Variants in THSD7B observed in about 807,000 individuals in gnomAD.
The protein encoded by THSD7B is thrombospondin type-1 domain-containing protein 7B.
In THSD7B, 138 loss-of-function variants were observed where a neutral mutation model predicts 213.6. That is an observed-to-expected ratio of 0.65 (90% confidence interval 0.56 to 0.74). THSD7B has a LOEUF of 0.74. Ranked by LOEUF, THSD7B falls within the 30% of genes least tolerant of loss-of-function variation. The pLI is 0.00. For missense variants in THSD7B, 1,931 were observed against 1,991.5 expected, an observed-to-expected ratio of 0.97 and a Z score of 0.58; for synonymous variants, 742 against 687.0, an observed-to-expected ratio of 1.08 and a Z score of -1.25.
chr2:137,576,796 C>G (rs1434214307), intron 17 of THSD7B, among the ~76,000 whole-genome samples: 1 of 96,622 alleles, frequency 1.0e-5, no homozygotes, highest in African/African-American at 7.0e-5. Context: ...AAGAAAAACA[C>G]CCCCCCCCCT....
At chr2:137,411,082 A>G (rs185884233) in intron 13 of THSD7B, among the ~76,000 whole-genome samples, 20 of 152,398 alleles carry the variant, frequency 1.3e-4, no homozygotes, top group Admixed American at 9.1e-4. Flanking sequence ...TGATTAAATT[A>G]TCCAGTATGA....
chr2:136,870,056 A>G (rs1474694445), intron 1 of THSD7B, among the ~76,000 whole-genome samples: 1 of 134,510 alleles, frequency 7.4e-6, no homozygotes, highest in East Asian at 2.2e-4. Flanking sequence ...TGGGCGAAAG[A>G]GCGAGACTCC....
At chr2:137,602,638 G>A (rs548893359) in intron 17 of THSD7B, among the ~76,000 whole-genome samples, 93 of 152,120 alleles carry the variant, frequency 6.1e-4, no homozygotes, top group Non-Finnish European at 7.4e-4. Flanking sequence ...GGTCTTCTAC[G>A]TGCATCATCC....
intron 2 of THSD7B, among the ~76,000 whole-genome samples, chr2:136,989,674 C>T (rs1218298274): frequency 6.6e-6 from 1 of 152,196 alleles, no homozygotes; most frequent in East Asian, 1.9e-4. Context: ...GTTGGTGGGG[C>T]TGTACTTCAG....
chr2:137,650,100 T>C (rs1160819950), intron 21 of THSD7B, among the ~76,000 whole-genome samples: 1 of 152,186 alleles, frequency 6.6e-6, no homozygotes, highest in East Asian at 1.9e-4. Context: ...CATTTTACGA[T>C]GTTTTTCTAT....
At chr2:136,984,271 C>G (rs1685634378) in intron 2 of THSD7B, among the ~76,000 whole-genome samples, 1 of 152,190 alleles carries the variant, frequency 6.6e-6, no homozygotes, top group Admixed American at 6.5e-5. Flanking sequence ...CTCTCCAAAT[C>G]TCATGTTGAA....
chr2:137,343,912 G>A (rs1316552001), intron 12 of THSD7B, among the ~76,000 whole-genome samples: 1 of 151,742 alleles, frequency 6.6e-6, no homozygotes, highest in East Asian at 1.9e-4. Context: ...AGCATTAGAG[G>A]TGTGAAGGAA....
chr2:137,189,915 T>C (rs1680624251), intron 7 of THSD7B, among the ~76,000 whole-genome samples: 1 of 152,124 alleles, frequency 6.6e-6, no homozygotes, highest in Admixed American at 6.5e-5. Flanking sequence ...TAAATTGCCT[T>C]CCATTCCTAG....
intron 12 of THSD7B, among the ~76,000 whole-genome samples, chr2:137,382,475 G>T (rs1362644200): frequency 2.0e-5 from 3 of 152,216 alleles, no homozygotes; most frequent in Non-Finnish European, 4.4e-5. Context: ...ACTTGAGAAC[G>T]CCAGTAGGTT....
chr2:137,141,265 AGT>A (rs1033804747), intron 5 of THSD7B, among the ~76,000 whole-genome samples: 2 of 152,140 alleles, frequency 1.3e-5, no homozygotes, highest in Non-Finnish European at 1.5e-5. Context: ...GTAAACTAAG[AGT>A]GTGTCAGTGC....
intron 17 of THSD7B, among the ~76,000 whole-genome samples, chr2:137,601,004 T>C (rs1218138881): frequency 6.6e-6 from 1 of 152,118 alleles, no homozygotes; most frequent in African/African-American, 2.4e-5. Flanking sequence ...AAATTAAAAA[T>C]AGAAAATATA....
chr2:136,955,215 A>T (rs1467229464), intron 2 of THSD7B, among the ~76,000 whole-genome samples: 2 of 152,180 alleles, frequency 1.3e-5, no homozygotes, highest in Non-Finnish European at 2.9e-5. Flanking sequence ...ATTTGAGGTG[A>T]TGTTTAGAGA....
At chr2:137,060,264 C>T (rs1687246818) in intron 3 of THSD7B, among the ~76,000 whole-genome samples, 1 of 151,862 alleles carries the variant, frequency 6.6e-6, no homozygotes, top group Admixed American at 6.6e-5. Flanking sequence ...GGATACCAGT[C>T]CTTTATCAGA....
At chr2:137,618,239 G>A (rs1243231050) in intron 18 of THSD7B, among the ~76,000 whole-genome samples, 153 bp from the exon 19 acceptor site, 1 of 152,164 alleles carries the variant, frequency 6.6e-6, no homozygotes, top group Non-Finnish European at 1.5e-5. Flanking sequence ...TTTGCAATAA[G>A]GGCATTGCAT....
chr2:137,592,253 G>T (rs1378177929), intron 17 of THSD7B, among the ~76,000 whole-genome samples: 3 of 151,738 alleles, frequency 2.0e-5, no homozygotes, highest in African/African-American at 7.2e-5. Context: ...CAAAAAATAT[G>T]TAGCTTGTTA....
intron 15 of THSD7B, among the ~76,000 whole-genome samples, chr2:137,499,206 T>G (rs570133087): frequency 6.6e-6 from 1 of 152,324 alleles, no homozygotes; most frequent in Non-Finnish European, 1.5e-5. Flanking sequence ...TTATATTTAG[T>G]GAAGTACAGA....
chr2:137,503,151 C>A (rs1197547234), intron 15 of THSD7B, among the ~76,000 whole-genome samples: 1 of 152,100 alleles, frequency 6.6e-6, no homozygotes, highest in Non-Finnish European at 1.5e-5. Context: ...ATTGTTATAA[C>A]TCTGGGACAT....
chr2:137,563,424 G>A (rs1681164885), intron 16 of THSD7B, 70 bp downstream of exon 16: 1 of 1,561,724 alleles, frequency 6.4e-7, no homozygotes. Context: ...AAAAACAACA[G>A]TGATGTTTAT....
intron 10 of THSD7B, among the ~76,000 whole-genome samples, chr2:137,245,517 C>G (rs946070839): frequency 4.6e-5 from 7 of 152,132 alleles, no homozygotes; most frequent in Non-Finnish European, 7.3e-5. Flanking sequence ...GAATGCTGCT[C>G]TCATCTACCA....
Sources: allele counts gnomAD v4.1 joint callset (sites outside exome capture counted in the v4.1 genomes callset), GRCh38; gene constraint gnomAD v4.1.1; transcripts MANE v1.5; gene names NCBI Gene and HGNC (gene_info 2026-07-23, HGNC 2026-07-21).